The following GNG12 variants were observed in gnomAD, a reference collection of about 807,000 sequenced individuals.
The protein encoded by GNG12 is G protein subunit gamma 12.
For synonymous variants in GNG12, 28 were observed against 29.7 expected (o/e 0.94, Z 0.19); for missense variants, 69 against 83.8 (o/e 0.82, Z 0.69).
At chr1:67,787,992 G>A (rs548584645) in intron 1 of GNG12, among the ~76,000 whole-genome samples, 1 of 152,312 alleles carries the variant, frequency 6.6e-6, no homozygotes, top group South Asian at 2.1e-4. Context: ...GGCACATGAA[G>A]TGGGCAATGG....
chr1:67,803,176 A>C (rs1036118456), intron 1 of GNG12, among the ~76,000 whole-genome samples: 12 of 152,082 alleles, frequency 7.9e-5, no homozygotes, highest in Non-Finnish European at 1.6e-4. Context: ...CATCCCCAAA[A>C]TTTTATTCCT....
intron 1 of GNG12, among the ~76,000 whole-genome samples, chr1:67,825,613 A>T (rs2100827824): frequency 6.6e-6 from 1 of 152,288 alleles, no homozygotes; most frequent in Admixed American, 6.5e-5. Context: ...AAGACTCCGC[A>T]CCTTTTAACC....
intron 2 of GNG12, among the ~76,000 whole-genome samples, chr1:67,755,257 T>TC (rs1646561462): frequency 1.3e-5 from 2 of 152,216 alleles, no homozygotes; most frequent in South Asian, 2.1e-4. Flanking sequence ...CATGTGGACT[T>TC]CTTTTTATAT....
chr1:67,719,380 G>GAGGGTTCAAGGATTCCTGA (rs1646344650), intron 2 of GNG12, among the ~76,000 whole-genome samples: 1 of 152,214 alleles, frequency 6.6e-6, no homozygotes, highest in East Asian at 1.9e-4. Context: ...TCCTGAGGGT[G>GAGGGTTCAAGGATTCCTGA]GGTCATGAAT....
chr1:67,741,406 G>A (rs961034731), intron 2 of GNG12, among the ~76,000 whole-genome samples: 1 of 152,162 alleles, frequency 6.6e-6, no homozygotes, highest in African/African-American at 2.4e-5. Context: ...AAAATGCACT[G>A]ACCCTGGAAG....
At chr1:67,735,063 T>C (rs183233936) in intron 2 of GNG12, among the ~76,000 whole-genome samples, 61 of 152,104 alleles carry the variant, frequency 4.0e-4, no homozygotes, top group African/African-American at 1.4e-3. Flanking sequence ...ATCTTGTTGG[T>C]CAGGCTGGTC....
chr1:67,809,188 T>C (rs188172606), intron 1 of GNG12, among the ~76,000 whole-genome samples: 19 of 152,214 alleles, frequency 1.2e-4, no homozygotes, highest in African/African-American at 4.3e-4. Flanking sequence ...AAAAATAGTA[T>C]TTTCAACAAA....
chr1:67,745,681 C>A (rs907395965), intron 2 of GNG12, among the ~76,000 whole-genome samples: 15 of 152,186 alleles, frequency 9.9e-5, no homozygotes, highest in African/African-American at 3.4e-4. Context: ...CCACAGGCAT[C>A]TCCTTTGCTG....
chr1:67,793,042 C>T (rs79540240), intron 1 of GNG12, among the ~76,000 whole-genome samples: 2 of 152,204 alleles, frequency 1.3e-5, no homozygotes, highest in Non-Finnish European at 2.9e-5. Context: ...ACCAATGTCA[C>T]TCTGTGAATT....
chr1:67,796,562 CAGAT>C (rs1646832461), intron 1 of GNG12, among the ~76,000 whole-genome samples: 1 of 152,094 alleles, frequency 6.6e-6, no homozygotes, highest in Non-Finnish European at 1.5e-5. Flanking sequence ...GAGTGTATGA[CAGAT>C]AGTAGGCACT....
At chr1:67,772,855 CAAAAGA>C (rs1211656918) in intron 2 of GNG12, among the ~76,000 whole-genome samples, 2 of 152,198 alleles carry the variant, frequency 1.3e-5, no homozygotes, top group African/African-American at 4.8e-5. Context: ...AGAAGTATGG[CAAAAGA>C]GGCACCCATA....
chr1:67,785,833 C>T lies in GNG12; in HGVS notation c.-76-8326G>A, dbSNP rs896892444. The stretch of plus-strand genomic sequence containing the variant: ...TAAACAGAATGTCTAAGAATGTTTC[C>T]AACCATGTACAAATCTGTATAAATA... On this transcript the variant is annotated intron_variant, in intron 1 of 3. Transcript: ENST00000370982. Among the ~76,000 whole-genome samples the T allele has an allele frequency of 3.3e-5, 5 of 152,050 alleles. No homozygotes were observed. In the East Asian group the frequency reaches 9.6e-4, roughly 29 times the overall value.
intron 2 of GNG12, among the ~76,000 whole-genome samples, chr1:67,747,121 T>C (rs1309900630): frequency 6.6e-6 from 1 of 152,160 alleles, no homozygotes; most frequent in Non-Finnish European, 1.5e-5. Context: ...AAAGAATCTT[T>C]TTGTTTGTTT....
intron 2 of GNG12, among the ~76,000 whole-genome samples, chr1:67,729,366 G>C (rs1646405885): frequency 6.6e-6 from 1 of 152,162 alleles, no homozygotes; most frequent in Non-Finnish European, 1.5e-5. Context: ...CTACACAGGA[G>C]GCCAGTTCTT....
intron 1 of GNG12, among the ~76,000 whole-genome samples, chr1:67,780,387 T>C (rs1348213726): frequency 6.6e-6 from 1 of 152,204 alleles, no homozygotes; most frequent in Non-Finnish European, 1.5e-5. Flanking sequence ...TCTGCTCTCA[T>C]TGCCCTTGCA....
intron 3 of GNG12, among the ~76,000 whole-genome samples, chr1:67,707,391 G>C (rs185833730): frequency 1.3e-5 from 2 of 152,316 alleles, no homozygotes; most frequent in Non-Finnish European, 2.9e-5. Flanking sequence ...TACAAACAGA[G>C]AGGCTAATGC....
In GNG12 at chr1:67,830,039, CTT is replaced by C. The variant is rs374163707; in HGVS notation, c.-77+3303_-77+3304del. Among the ~76,000 whole-genome samples the C allele has an allele frequency of 4.8e-3, 582 of 122,466 alleles. 2 individuals carry two copies. Among genetic ancestry groups the C allele is most frequent in the African/African-American group, 0.017 (562 of 32,330 alleles). 80.3% of individuals were successfully genotyped at this position (122,466 alleles called of 152,430 possible). On this transcript the variant is annotated intron_variant, in intron 1 of 3. Coordinates refer to ENST00000370982, the MANE Select transcript of GNG12 (RefSeq NM_018841.6). The stretch of plus-strand genomic sequence containing the variant: ...TTTTTTTTGAGACAGAGTTTTTGCT[CTT>C]GTTGCCCAGGCTGGAGTGCAATGGC...
chr1:67,733,237 G>C (rs1345335744), intron 2 of GNG12, among the ~76,000 whole-genome samples: 1 of 152,138 alleles, frequency 6.6e-6, no homozygotes, highest in Non-Finnish European at 1.5e-5. Context: ...GAGCTGGTTT[G>C]GGGTGTTTGC....
chr1:67,711,793 A>T (rs1646297223), intron 2 of GNG12, among the ~76,000 whole-genome samples: 1 of 152,170 alleles, frequency 6.6e-6, no homozygotes, highest in Admixed American at 6.5e-5. Flanking sequence ...CAGCACACCA[A>T]AGTGTTATAT....
Sources: allele counts gnomAD v4.1 joint callset (sites outside exome capture counted in the v4.1 genomes callset), GRCh38; gene constraint gnomAD v4.1.1; transcripts MANE v1.5; gene names NCBI Gene and HGNC (gene_info 2026-07-23, HGNC 2026-07-21).